CACNA1A: variants seen among roughly 807,000 people sequenced by gnomAD.
CACNA1A encodes the protein calcium voltage-gated channel subunit alpha1 A.
Under a neutral mutation model 262.4 loss-of-function variants are expected in CACNA1A, and 57 were observed. The observed-to-expected ratio is 0.22, with a 90% CI of 0.18 to 0.27. The LOEUF (loss-of-function observed/expected upper bound fraction) is 0.27. Among genes scored for constraint, CACNA1A ranks in the 10% least tolerant of loss-of-function variants. The probability of loss-of-function intolerance (pLI) is 1.00; values close to 1 mark genes in which losing one functional copy is unlikely to be tolerated. For missense variants in CACNA1A, 2,526 were observed against 3,562.8 expected (o/e 0.71, Z 7.41); for synonymous variants, 1,431 against 1,419.3 (o/e 1.01, Z -0.18).
chr19:13,323,848 C>T (rs1193611276), intron 10 of CACNA1A, among the ~76,000 whole-genome samples: 3 of 152,150 alleles, frequency 2.0e-5, no homozygotes, highest in Non-Finnish European at 4.4e-5. Context: ...ATTCCCGAGA[C>T]CAATGCCATG....
intron 4 of CACNA1A, 21 bp downstream of exon 4, chr19:13,371,667 C>T (rs1396187016): frequency 6.5e-7 from 1 of 1,546,164 alleles, no homozygotes; most frequent in Non-Finnish European, 8.8e-7. Flanking sequence ...AACCCCTTGT[C>T]AGGGTCGGAA....
intron 4 of CACNA1A, among the ~76,000 whole-genome samples, chr19:13,368,293 C>T (rs8106124): frequency 0.036 from 5,411 of 150,484 alleles, 287 homozygotes; most frequent in African/African-American, 0.12. Flanking sequence ...TCCAGCCTGG[C>T]GACAGAGCAA....
At chr19:13,369,601 C>T (rs115771940) in intron 4 of CACNA1A, among the ~76,000 whole-genome samples, 4 of 152,212 alleles carry the variant, frequency 2.6e-5, no homozygotes, top group Admixed American at 6.5e-5. Context: ...AGAGAGTTCA[C>T]ACACAGTGAA....
intron 1 of CACNA1A, among the ~76,000 whole-genome samples, chr19:13,486,280 T>G (rs1187553389): frequency 6.6e-6 from 1 of 152,188 alleles, no homozygotes; most frequent in East Asian, 1.9e-4. Context: ...CTGTGGCTCT[T>G]GACCTGGGTA....
At chr19:13,447,669 C>A (rs150245863) in intron 3 of CACNA1A, among the ~76,000 whole-genome samples, 3,472 of 152,288 alleles carry the variant, frequency 0.023, 128 homozygotes, top group African/African-American at 0.078. Flanking sequence ...GACAGTGCAG[C>A]CTTCAGTCTG....
intron 6 of CACNA1A, among the ~76,000 whole-genome samples, chr19:13,345,055 AG>A (rs1468391535): frequency 1.3e-5 from 2 of 152,052 alleles, no homozygotes; most frequent in Non-Finnish European, 2.9e-5. Flanking sequence ...CACCATGCCC[AG>A]CTTGGTGGAT....
chr19:13,405,000 G>A (rs944052555), intron 3 of CACNA1A, among the ~76,000 whole-genome samples: 42 of 149,860 alleles, frequency 2.8e-4, no homozygotes, highest in Admixed American at 1.1e-3. Context: ...GGGTTCAAGC[G>A]ATTCTCCTGC....
intron 3 of CACNA1A, among the ~76,000 whole-genome samples, chr19:13,381,686 A>T (rs1016512597): frequency 6.6e-6 from 1 of 151,930 alleles, no homozygotes; most frequent in Non-Finnish European, 1.5e-5. Flanking sequence ...CCCCTCACTC[A>T]CTCTGTTCCA....
At chr19:13,323,502 C>T (rs963089446) in intron 10 of CACNA1A, among the ~76,000 whole-genome samples, 3 of 152,036 alleles carry the variant, frequency 2.0e-5, no homozygotes, top group African/African-American at 4.8e-5. Context: ...CCTTCTGTCG[C>T]CCAGGGTGGA....
At chr19:13,210,560 G>T (rs1315363686) in intron 44 of CACNA1A, 57 bp downstream of exon 44, 6 of 1,473,552 alleles carry the variant, frequency 4.1e-6, no homozygotes, top group South Asian at 2.4e-5. Context: ...TGGAGGGGGG[G>T]TGGGGAGGAA....
chr19:13,334,558 T>C (rs2058525465), intron 7 of CACNA1A, 65 bp from the exon 8 acceptor site: 1 of 246,026 alleles, frequency 4.1e-6, no homozygotes, highest in Non-Finnish European at 7.3e-6. Context: ...TTTGTGTGTG[T>C]GTTTGTGTGT....
intron 3 of CACNA1A, among the ~76,000 whole-genome samples, chr19:13,417,787 G>A (rs527417483): frequency 6.6e-6 from 1 of 151,898 alleles, no homozygotes; most frequent in African/African-American, 2.4e-5. Context: ...ATATTTGGGA[G>A]GCTGAGGCAG....
chr19:13,287,900 T>G (rs547409973), intron 19 of CACNA1A, among the ~76,000 whole-genome samples: 1 of 150,588 alleles, frequency 6.6e-6, no homozygotes, highest in African/African-American at 2.4e-5. Flanking sequence ...ACTTCTGGGC[T>G]CCAGTGATCC....
chr19:13,393,156 T>C (rs1192228553), intron 3 of CACNA1A, among the ~76,000 whole-genome samples: 2 of 152,180 alleles, frequency 1.3e-5, no homozygotes, highest in Admixed American at 6.6e-5. Context: ...CATAGAAATA[T>C]GAAGAGTGGT....
chr19:13,430,219 T>TATA (rs549050308), intron 3 of CACNA1A, among the ~76,000 whole-genome samples: 35,459 of 149,520 alleles, frequency 0.24, 4,228 homozygotes, highest in Non-Finnish European at 0.27. Flanking sequence ...ATATATATAT[T>TATA]TTTTGAGACA....
intron 3 of CACNA1A, among the ~76,000 whole-genome samples, chr19:13,426,586 A>G (rs1017776081): frequency 6.6e-6 from 1 of 152,234 alleles, no homozygotes; most frequent in Non-Finnish European, 1.5e-5. Context: ...CAGGATTAAA[A>G]AAGATCAGAC....
chr19:13,241,428 G>T lies in CACNA1A; in HGVS notation c.4950+3754C>A. ...AGGAGAGCGTCAGGCATCCCACGTT[G>T]GAGAGGCAGGGTGTGGCATGCAATG... is the stretch of plus-strand genomic sequence containing the variant. On this transcript the variant is annotated intron_variant, in intron 31 of 46. Transcript: ENST00000360228. This position sits in a 1 kb window ranked among gnomAD's most constrained non-coding sequence, Gnocchi z 4.0. 1.2e-6 allele frequency: 1 copy of T among 835,312 alleles called. No individual in the cohort carries two copies. The highest frequency in any genetic ancestry group is 2.0e-6 in the Non-Finnish European group (1 of 505,768). The allele number at this position is 835,312 out of a possible 1,614,324, so 51.7% of individuals were successfully genotyped here. A position where few individuals can be genotyped will look rare whatever the true frequency, so the allele number is the denominator to read the frequency against.
intron 24 of CACNA1A, among the ~76,000 whole-genome samples, chr19:13,264,881 T>C (rs2056826276): frequency 6.7e-6 from 1 of 148,340 alleles, no homozygotes; most frequent in Non-Finnish European, 1.5e-5. Context: ...TTTAATCTTT[T>C]TTTTTTTTTT....
At chr19:13,325,811 A>G (rs940657922) in intron 10 of CACNA1A, among the ~76,000 whole-genome samples, 1 of 152,206 alleles carries the variant, frequency 6.6e-6, no homozygotes, top group Non-Finnish European at 1.5e-5. Flanking sequence ...AGTGCATAAC[A>G]TGATATTTTG....
Sources: gnomAD v4.1 joint callset for allele counts (sites outside exome capture counted in the v4.1 genomes callset) on GRCh38, gnomAD v4.1.1 for gene constraint, Gnocchi (gnomAD v3.1) non-coding constraint, MANE v1.5 for transcripts, NCBI Gene and HGNC (gene_info 2026-07-23, HGNC 2026-07-21) for gene names.